The following HPSE2 variants were observed in gnomAD, a reference collection of about 807,000 sequenced individuals.
HPSE2 encodes inactive heparanase-2.
Under a neutral mutation model 60.5 loss-of-function variants are expected in HPSE2, and 38 were observed. The observed-to-expected ratio is 0.63, with a 90% CI of 0.48 to 0.82. The LOEUF is 0.82. Ranked by LOEUF, HPSE2 falls within the 40% of genes least tolerant of loss-of-function variation. HPSE2 has a pLI of 0.00. For synonymous variants in HPSE2, 295 were observed against 293.2 expected, an observed-to-expected ratio of 1.01 and a Z score of -0.06; for missense variants, 713 against 740.4, an observed-to-expected ratio of 0.96 and a Z score of 0.43.
intron 4 of HPSE2, among the ~76,000 whole-genome samples, chr10:98,725,121 A>C (rs1949037569): frequency 1.3e-5 from 2 of 152,220 alleles, no homozygotes; most frequent in African/African-American, 4.8e-5. Context: ...CTTTCTTCAC[A>C]GAATTGGAAA....
chr10:99,250,027 C>T, the HPSE2 span, among the ~76,000 whole-genome samples: 1 of 151,718 alleles, frequency 6.6e-6, no homozygotes, highest in South Asian at 2.1e-4. Context: ...CCTGTAATCC[C>T]AGCTACTCAG....
At chr10:99,156,008 G>C (rs1846537568) in intron 2 of HPSE2, among the ~76,000 whole-genome samples, 1 of 151,264 alleles carries the variant, frequency 6.6e-6, no homozygotes, top group South Asian at 2.1e-4. Context: ...AGAAGAAATG[G>C]ATAAATTCCT....
intron 4 of HPSE2, among the ~76,000 whole-genome samples, chr10:98,734,775 C>A (rs948881302): frequency 6.6e-6 from 1 of 151,906 alleles, no homozygotes; most frequent in Non-Finnish European, 1.5e-5. Flanking sequence ...AGGTCTTCAT[C>A]ATGACTCACA....
chr10:99,216,470 C>T (rs1269960657), intron 2 of HPSE2, among the ~76,000 whole-genome samples: 1 of 109,856 alleles, frequency 9.1e-6, no homozygotes, highest in Non-Finnish European at 1.8e-5. Flanking sequence ...GCTGGGATTA[C>T]AGGCATGAGC....
the HPSE2 span, among the ~76,000 whole-genome samples, chr10:99,289,354 TG>T: frequency 5.6e-5 from 2 of 35,844 alleles, no homozygotes; most frequent in Non-Finnish European, 1.1e-4. Context: ...AGACATCATC[TG>T]TTTTTTTTTT....
chr10:98,953,627 C>T (rs1955429614), intron 3 of HPSE2, among the ~76,000 whole-genome samples: 1 of 151,982 alleles, frequency 6.6e-6, no homozygotes, highest in African/African-American at 2.4e-5. Flanking sequence ...TGTTTTGGAG[C>T]TTGAGGATTT....
At chr10:98,754,871 A>G (rs1171828252) in intron 3 of HPSE2, among the ~76,000 whole-genome samples, 1 of 151,882 alleles carries the variant, frequency 6.6e-6, no homozygotes, top group Non-Finnish European at 1.5e-5. Flanking sequence ...TCCTTAAAAG[A>G]GGTTCTTAAC....
chr10:98,593,504 G>A (rs1251097464), intron 9 of HPSE2, among the ~76,000 whole-genome samples: 3 of 152,076 alleles, frequency 2.0e-5, no homozygotes, highest in African/African-American at 7.2e-5. Flanking sequence ...ATGATAATGT[G>A]GAAGACAGAT....
upstream of HPSE2, among the ~76,000 whole-genome samples, chr10:99,236,885 C>T (rs1849871066): frequency 6.6e-6 from 1 of 152,124 alleles, no homozygotes; most frequent in Non-Finnish European, 1.5e-5. Flanking sequence ...TAGAGTCCCC[C>T]CTCCAGACCC....
chr10:98,838,451 G>A (rs1040438895), intron 3 of HPSE2, among the ~76,000 whole-genome samples: 9 of 149,584 alleles, frequency 6.0e-5, no homozygotes, highest in Non-Finnish European at 1.3e-4. Flanking sequence ...AATAATCCAG[G>A]CCTGATTCAT....
chr10:98,585,205 TA>T (rs1286012933), intron 9 of HPSE2, among the ~76,000 whole-genome samples: 3 of 152,148 alleles, frequency 2.0e-5, no homozygotes, highest in Admixed American at 2.0e-4. Context: ...TGAAAAGTTA[TA>T]ATCAGTAAGA....
intron 11 of HPSE2, among the ~76,000 whole-genome samples, chr10:98,463,581 C>T (rs922621940): frequency 6.6e-6 from 1 of 151,652 alleles, no homozygotes; most frequent in African/African-American, 2.4e-5. Flanking sequence ...GCAGGAGGAT[C>T]ACTTGAGTCC....
Position 98,614,718 on chromosome 10 carries a change from T to TGC in HPSE2, c.1320+185_1320+186insGC, listed in dbSNP as rs1945856079. ...GTGAACAGATGTGTGTGTGTGTGTG[T>TGC]GTGTGTGTTGAAGCCAAAAGTCTGT... On this transcript the variant is annotated intron_variant, in intron 9 of 11. Coordinates refer to ENST00000370552, the MANE Select transcript of HPSE2 (RefSeq NM_021828.5). Among the ~76,000 whole-genome samples, 4 of 152,204 alleles carry TGC rather than the reference T, an allele frequency of 2.6e-5. No individual in the cohort carries two copies. In the South Asian group the frequency reaches 8.3e-4, roughly 32 times the overall value.
At chr10:98,544,712 CAAAAAAAAAAAAAAAAAA>C (rs58604325) in intron 9 of HPSE2, among the ~76,000 whole-genome samples, 1 of 71,022 alleles carries the variant, frequency 1.4e-5, no homozygotes, top group Non-Finnish European at 2.4e-5. Context: ...GACTCCGTCT[CAAAAAAAAAAAAAAAAAA>C]AAAAAAAAAA....
chr10:99,091,057 TA>T (rs1465199156), intron 3 of HPSE2, among the ~76,000 whole-genome samples: 1 of 152,014 alleles, frequency 6.6e-6, no homozygotes, highest in Non-Finnish European at 1.5e-5. Context: ...ACTACACATT[TA>T]AAAAAACACC....
At chr10:98,747,952 A>G (rs1170000671) in intron 3 of HPSE2, among the ~76,000 whole-genome samples, 1 of 152,186 alleles carries the variant, frequency 6.6e-6, no homozygotes, top group African/African-American at 2.4e-5. Flanking sequence ...TTTGTGTTGC[A>G]TAAAAGTGGC....
the HPSE2 span, among the ~76,000 whole-genome samples, chr10:99,247,874 C>T: frequency 2.6e-5 from 4 of 152,144 alleles, no homozygotes; most frequent in African/African-American, 9.7e-5. Flanking sequence ...GTAGCACCTA[C>T]CCCTTCTCTC....
At chr10:99,199,265 T>C (rs1467474405) in intron 2 of HPSE2, among the ~76,000 whole-genome samples, 2 of 152,170 alleles carry the variant, frequency 1.3e-5, no homozygotes, top group African/African-American at 4.8e-5. Flanking sequence ...ACATAGTGGC[T>C]GCACCATTTT....
the HPSE2 span, among the ~76,000 whole-genome samples, chr10:99,255,966 AT>A: frequency 6.6e-6 from 1 of 152,208 alleles, no homozygotes; most frequent in African/African-American, 2.4e-5. Context: ...ACTTACAATC[AT>A]GGCAGAAGGC....
Sources: gnomAD v4.1 joint callset for allele counts (sites outside exome capture counted in the v4.1 genomes callset) on GRCh38, gnomAD v4.1.1 for gene constraint, MANE v1.5 for transcripts, NCBI Gene and HGNC (gene_info 2026-07-23, HGNC 2026-07-21) for gene names.